CA10: variants seen among roughly 807,000 people sequenced by gnomAD.
CA10 encodes the protein carbonic anhydrase-related protein 10.
Under a neutral mutation model 44.2 loss-of-function variants are expected in CA10, and 14 were observed. The ratio of observed to expected loss-of-function variants is 0.32; its 90% CI spans 0.21 to 0.50. The LOEUF (loss-of-function observed/expected upper bound fraction) is 0.50. Among genes scored for constraint, CA10 ranks in the 20% least tolerant of loss-of-function variants. CA10 has a pLI of 0.99. For missense variants in CA10, 350 were observed against 409.7 expected, an observed-to-expected ratio of 0.85 and a Z score of 1.26; for synonymous variants, 159 against 141.6, an observed-to-expected ratio of 1.12 and a Z score of -0.87.
At chr17:51,947,353 C>G (rs142895072) in intron 2 of CA10, among the ~76,000 whole-genome samples, 1 of 151,842 alleles carries the variant, frequency 6.6e-6, no homozygotes, top group Non-Finnish European at 1.5e-5. Context: ...TCATAAAATC[C>G]GACAAAGGTT....
intron 2 of CA10, among the ~76,000 whole-genome samples, chr17:52,014,064 T>A (rs1029121809): frequency 1.3e-5 from 2 of 151,884 alleles, no homozygotes; most frequent in African/African-American, 4.8e-5. Context: ...AATATACCAG[T>A]AATCAGGATG....
chr17:52,007,851 T>A (rs1424311096), intron 2 of CA10, among the ~76,000 whole-genome samples: 1 of 151,572 alleles, frequency 6.6e-6, no homozygotes, highest in East Asian at 1.9e-4. Flanking sequence ...CCTATAGTTT[T>A]CTAAGAAAGA....
chr17:51,678,826 T>C (rs1914719590), intron 4 of CA10, among the ~76,000 whole-genome samples: 1 of 152,226 alleles, frequency 6.6e-6, no homozygotes, highest in Non-Finnish European at 1.5e-5. Flanking sequence ...CCTCCAAGTT[T>C]CTGTCTCTCT....
chr17:52,132,028 G>A (rs1989253432), intron 1 of CA10, among the ~76,000 whole-genome samples: 1 of 151,712 alleles, frequency 6.6e-6, no homozygotes, highest in Non-Finnish European at 1.5e-5. Flanking sequence ...GGGAAAGGGG[G>A]AGGGATAGCA....
At chr17:51,712,436 C>A (rs755828611) in intron 4 of CA10, among the ~76,000 whole-genome samples, 4 of 152,144 alleles carry the variant, frequency 2.6e-5, no homozygotes, top group African/African-American at 4.8e-5. Flanking sequence ...AGTAATTTAG[C>A]TTTTTCTCAT....
intron 3 of CA10, among the ~76,000 whole-genome samples, chr17:51,906,211 T>C (rs1981544005): frequency 6.6e-6 from 1 of 152,160 alleles, no homozygotes; most frequent in Non-Finnish European, 1.5e-5. Flanking sequence ...CAAAAAATTT[T>C]TAAATAGTTT....
chr17:51,952,060 C>T (rs887044005), intron 2 of CA10, among the ~76,000 whole-genome samples: 1 of 152,080 alleles, frequency 6.6e-6, no homozygotes, highest in Non-Finnish European at 1.5e-5. Flanking sequence ...AATTAACTGC[C>T]AAAATTATTA....
At chr17:51,728,551 T>G (rs1916605139) in intron 4 of CA10, among the ~76,000 whole-genome samples, 1 of 152,182 alleles carries the variant, frequency 6.6e-6, no homozygotes, top group Non-Finnish European at 1.5e-5. Context: ...TCAGTTTATG[T>G]TTGTCTGATG....
intron 4 of CA10, among the ~76,000 whole-genome samples, chr17:51,715,823 G>A (rs1916093043): frequency 6.6e-6 from 1 of 152,020 alleles, no homozygotes; most frequent in Non-Finnish European, 1.5e-5. Flanking sequence ...CTGAGTAGCT[G>A]GGATTACAGG....
chr17:52,059,686 TAAAGA>T (rs1353752554), intron 2 of CA10, among the ~76,000 whole-genome samples: 4 of 151,280 alleles, frequency 2.6e-5, no homozygotes, highest in African/African-American at 9.7e-5. Context: ...AAAAAAGTGC[TAAAGA>T]AAAAAAAAAA....
intron 3 of CA10, among the ~76,000 whole-genome samples, chr17:51,830,232 GA>G (rs1217021904): frequency 7.1e-6 from 1 of 139,874 alleles, no homozygotes; most frequent in African/African-American, 2.7e-5. Context: ...AGAAAAAAAA[GA>G]AAAAAGTCAA....
intron 3 of CA10, among the ~76,000 whole-genome samples, chr17:51,788,973 T>C (rs1156372374): frequency 6.6e-6 from 1 of 152,230 alleles, no homozygotes; most frequent in African/African-American, 2.4e-5. Flanking sequence ...ATGGCATGTA[T>C]AGTGTTTGTC....
intron 3 of CA10, among the ~76,000 whole-genome samples, chr17:51,845,666 C>A (rs1598077784): frequency 1.3e-5 from 2 of 152,218 alleles, no homozygotes. Context: ...GATCCTTCTT[C>A]TCCTAAGGCT....
chr17:51,658,701 T>G (rs1478859770), intron 4 of CA10, among the ~76,000 whole-genome samples: 4 of 152,122 alleles, frequency 2.6e-5, no homozygotes, highest in African/African-American at 9.7e-5. Context: ...CCAAACACAA[T>G]AGGAAGTCAC....
intron 3 of CA10, among the ~76,000 whole-genome samples, chr17:51,918,609 C>T (rs1437253975): frequency 1.3e-5 from 2 of 152,176 alleles, no homozygotes; most frequent in Non-Finnish European, 2.9e-5. Flanking sequence ...AATGGACTAA[C>T]ATCCTATCAA....
chr17:51,831,733 A>AGCAGCAGCAGCAGCCGCCGCAGC (rs1567854687), intron 3 of CA10, among the ~76,000 whole-genome samples: 2 of 121,522 alleles, frequency 1.6e-5, no homozygotes, highest in African/African-American at 8.3e-5. Flanking sequence ...GCAGCAGCAG[A>AGCAGCAGCAGCAGCCGCCGCAGC]AAAAGACCTT....
chr17:51,708,979 C>T lies in CA10; in HGVS notation c.465+38654G>A, dbSNP rs145385028. Among the ~76,000 whole-genome samples, 672 of 152,332 alleles carry T rather than the reference C, an allele frequency of 4.4e-3. 2 individuals are homozygous for T. The highest frequency in any genetic ancestry group is 6.6e-3 in the South Asian group (32 of 4,830). ...GCTTCCCTGCTCCTCAGGTTGCAGACGGTCTATTGTGGGACTTCACCTTGT... is the reference window on the plus strand; with the variant it reads ...GCTTCCCTGCTCCTCAGGTTGCAGATGGTCTATTGTGGGACTTCACCTTGT... On this transcript the variant is annotated intron_variant, in intron 4 of 8. Transcript: ENST00000451037.
chr17:52,101,584 A>G (rs1250097778), intron 1 of CA10, among the ~76,000 whole-genome samples: 1 of 152,188 alleles, frequency 6.6e-6, no homozygotes, highest in Admixed American at 6.5e-5. Flanking sequence ...CTTTTGACCA[A>G]TCCACATGTC....
chr17:51,938,972 A>G (rs1005577916), intron 2 of CA10, among the ~76,000 whole-genome samples: 1 of 151,748 alleles, frequency 6.6e-6, no homozygotes, highest in African/African-American at 2.4e-5. Context: ...GAAGTAATGT[A>G]TGTATGGTAA....
Sources: gnomAD v4.1 joint callset for allele counts (sites outside exome capture counted in the v4.1 genomes callset) on GRCh38, gnomAD v4.1.1 for gene constraint, MANE v1.5 for transcripts, NCBI Gene and HGNC (gene_info 2026-07-23, HGNC 2026-07-21) for gene names.